BRF1: variants seen among roughly 807,000 people sequenced by gnomAD.
BRF1 encodes the protein transcription factor IIIB 90 kDa subunit.
Under a neutral mutation model 81.7 loss-of-function variants are expected in BRF1, and 59 were observed. The observed-to-expected ratio is 0.72, with a 90% CI of 0.59 to 0.90. BRF1 has a LOEUF of 0.90. Among genes scored for constraint, BRF1 ranks in the 40% least tolerant of loss-of-function variants. The pLI, the probability that BRF1 is intolerant of heterozygous loss-of-function variation, is 0.00. For synonymous variants in BRF1, 491 were observed against 395.6 expected, an observed-to-expected ratio of 1.24 and a Z score of -2.86; for missense variants, 1,050 against 936.3, an observed-to-expected ratio of 1.12 and a Z score of -1.58.
chr14:105,218,417 C>T (rs1157080842), intron 14 of BRF1, among the ~76,000 whole-genome samples: 2 of 152,202 alleles, frequency 1.3e-5, no homozygotes, highest in East Asian at 3.8e-4. Context: ...CCACAAGCTC[C>T]CCGGGTCCTG....
intron 14 of BRF1, 93 bp from the exon 15 acceptor site, chr14:105,217,893 T>G (rs1030565441): frequency 6.5e-7 from 1 of 1,545,142 alleles, no homozygotes; most frequent in Admixed American, 1.7e-5. Context: ...TGCAGGCGGG[T>G]GAGGCCTGGC....
rs1021420021 is a variant in BRF1 at position 105,221,528 on chromosome 14, G to A, written c.1315+120C>T. ...GGTGGTGCCACCACCCAAGCCCACC[G>A]CCCGAGACCACCACACCTCCCGACA... is the stretch of plus-strand genomic sequence containing the variant. On this transcript the variant is annotated intron_variant, in intron 11 of 17. Coordinates refer to ENST00000547530, the MANE Select transcript of BRF1 (RefSeq NM_001519.4). The A allele has an allele frequency of 4.1e-5, 57 of 1,394,030 alleles. No homozygotes were observed. In the African/African-American group the frequency reaches 7.2e-4, roughly 18 times the overall value. 86.4% of individuals were successfully genotyped at this position (1,394,030 alleles called of 1,614,324 possible). A position where few individuals can be genotyped will look rare whatever the true frequency, so the allele number is the denominator to read the frequency against.
chr14:105,302,958 G>A (rs373634897), upstream of BRF1, among the ~76,000 whole-genome samples: 4 of 150,088 alleles, frequency 2.7e-5, no homozygotes, highest in African/African-American at 9.8e-5. Context: ...TTTTTTTTGA[G>A]ATAGAGAACA....
intron 5 of BRF1, chr14:105,250,393 G>A (rs2055533456): frequency 6.2e-7 from 1 of 1,613,858 alleles, no homozygotes. Flanking sequence ...AGCTCAAGCG[G>A]CTCGGGGTGG....
intron 10 of BRF1, among the ~76,000 whole-genome samples, chr14:105,224,617 T>C (rs1325818462): frequency 2.6e-5 from 4 of 152,308 alleles, no homozygotes; most frequent in African/African-American, 9.6e-5. Flanking sequence ...GGTGCAATCA[T>C]AGCTCACTGC....
rs3087836 is a variant in BRF1, at chr14:105,209,711, G to C, written c.*840C>G. On this transcript the variant is annotated 3_prime_UTR_variant, in exon 18 of 18. Coordinates refer to ENST00000547530, the MANE Select transcript of BRF1 (RefSeq NM_001519.4). ...ACTGCCCTCTGGCTCTGTCCACGGG[G>C]AACTCCCAGCGCCAGGACACTATGC... The C allele has an allele frequency of 0.28, 171,875 of 619,460 alleles. 30,462 individuals carry two copies. The highest frequency in any genetic ancestry group is 0.64 in the African/African-American group (35,131 of 54,680). 38.4% of individuals were successfully genotyped at this position (619,460 alleles called of 1,614,324 possible). A position where few individuals can be genotyped will look rare whatever the true frequency, so the allele number is the denominator to read the frequency against.
Position 105,209,717 on chromosome 14 carries a change from C to T in BRF1, c.*834G>A. On this transcript the variant is annotated 3_prime_UTR_variant, in exon 18 of 18. Transcript: ENST00000547530. The stretch of plus-strand genomic sequence containing the variant: ...CTCTGGCTCTGTCCACGGGGAACTC[C>T]CAGCGCCAGGACACTATGCAGGCTA... 8.1e-6 allele frequency: 5 copies of T among 617,688 alleles called. No individual in the cohort carries two copies. In the South Asian group the frequency reaches 9.3e-5, roughly 11 times the overall value. 38.3% of individuals were successfully genotyped at this position (617,688 alleles called of 1,614,324 possible). A position where few individuals can be genotyped will look rare whatever the true frequency, so the allele number is the denominator to read the frequency against.
chr14:105,228,960 G>T (rs1004459676), intron 6 of BRF1, 47 bp from the exon 7 acceptor site: 2 of 1,572,232 alleles, frequency 1.3e-6, no homozygotes, highest in Admixed American at 3.3e-5. Flanking sequence ...TGGGAACCAG[G>T]GCAACATCTG....
In BRF1 at chr14:105,286,295, C is replaced by T; in HGVS notation, c.265+1G>A. 1 of 1,612,612 alleles carries T rather than the reference C, an allele frequency of 6.2e-7. No homozygotes were observed. ...TCAGCAGCATCCGCGGTGGGAAATA[C>T]CATTCTGCAGGGTCTGCGCTCTCGA... On this transcript the variant is annotated splice_donor_variant, in intron 2 of 17. Transcript: ENST00000547530. LOFTEE classifies it high-confidence loss of function.
At chr14:105,314,367 G>A (rs1336554350) in intron 1 of BRF1, 1 of 151,822 alleles carries the variant, frequency 6.6e-6, no homozygotes, top group Non-Finnish European at 1.5e-5. Flanking sequence ...TCGCCAGGGC[G>A]ACGATGAGCT....
chr14:105,212,797 G>A, intron 15 of BRF1: 1 of 152,846 alleles, frequency 6.5e-6, no homozygotes, highest in Non-Finnish European at 1.5e-5. Context: ...ACGCAGCGGG[G>A]CAGAGCCCTT....
chr14:105,222,876 C>A (rs1212778798), intron 10 of BRF1, among the ~76,000 whole-genome samples: 1 of 152,160 alleles, frequency 6.6e-6, no homozygotes, highest in African/African-American at 2.4e-5. Context: ...GATCTGCCCA[C>A]CTCAGCCTCC....
intron 1 of BRF1, among the ~76,000 whole-genome samples, chr14:105,294,547 GT>G (rs144168127): frequency 6.6e-6 from 1 of 152,336 alleles, no homozygotes; most frequent in Non-Finnish European, 1.5e-5. Flanking sequence ...CTTGGCAACT[GT>G]GACACAGCTG....
At chr14:105,249,081 G>GA in intron 5 of BRF1, 1 of 1,420,594 alleles carries the variant, frequency 7.0e-7, no homozygotes, top group Non-Finnish European at 9.1e-7. Context: ...CACGCTGCGC[G>GA]AGAGGTGAGC....
chr14:105,300,360 GC>G, intron 1 of BRF1, 85 bp downstream of exon 1: 1 of 1,350,010 alleles, frequency 7.4e-7, no homozygotes, highest in South Asian at 1.6e-5. Context: ...CGGTACCGAG[GC>G]GCTGGTCCCG....
chr14:105,300,419 C>T (rs1339631542), intron 1 of BRF1, 27 bp downstream of exon 1: 1 of 1,502,416 alleles, frequency 6.7e-7, no homozygotes, highest in Non-Finnish European at 8.8e-7. Flanking sequence ...CCGAGAAATC[C>T]GCGCAGCGCC....
chr14:105,273,994 T>G (rs2056770238), intron 2 of BRF1, among the ~76,000 whole-genome samples: 1 of 152,226 alleles, frequency 6.6e-6, no homozygotes. Context: ...GGGAACTGAA[T>G]GTCTCGATAT....
intron 1 of BRF1, among the ~76,000 whole-genome samples, chr14:105,289,931 C>T (rs1457103553): frequency 6.6e-6 from 1 of 152,134 alleles, no homozygotes; most frequent in Non-Finnish European, 1.5e-5. Flanking sequence ...CCACCACGCC[C>T]CGCCTGTTTT....
At chr14:105,215,594 A>G (rs111206934) in intron 15 of BRF1, among the ~76,000 whole-genome samples, 6,942 of 151,134 alleles carry the variant, frequency 0.046, 501 homozygotes, top group African/African-American at 0.16. Flanking sequence ...ACACAGGCGC[A>G]CACACACTGC....
Sources: allele counts gnomAD v4.1 joint callset (sites outside exome capture counted in the v4.1 genomes callset), GRCh38; gene constraint gnomAD v4.1.1; transcripts MANE v1.5; gene names NCBI Gene and HGNC (gene_info 2026-07-23, HGNC 2026-07-21).